Variants in MYPN observed in about 807,000 individuals in gnomAD.
MYPN encodes sarcomeric protein myopalladin, 145 kDa (MYOP).
MYPN carries 63 observed loss-of-function variants against 129.4 expected under a neutral mutation model. That is an observed-to-expected ratio of 0.49 (90% CI 0.40 to 0.60). MYPN has a LOEUF of 0.60. Among genes scored for constraint, MYPN ranks in the 20% least tolerant of loss-of-function variants. The probability of loss-of-function intolerance (pLI) is 0.00; values close to 1 mark genes in which losing one functional copy is unlikely to be tolerated. For synonymous variants in MYPN, 629 were observed against 600.9 expected (o/e 1.05, Z -0.68); for missense variants, 1,596 against 1,635.4 (o/e 0.98, Z 0.42).
upstream of MYPN, among the ~76,000 whole-genome samples, chr10:68,103,749 A>C (rs2041992726): frequency 6.6e-6 from 1 of 152,198 alleles, no homozygotes; most frequent in Non-Finnish European, 1.5e-5. Flanking sequence ...CAGGAGTTCA[A>C]AACCAGCCTG....
At chr10:68,172,285 G>A (rs2043156065) in intron 10 of MYPN, among the ~76,000 whole-genome samples, 2 of 152,136 alleles carry the variant, frequency 1.3e-5, no homozygotes, top group Non-Finnish European at 2.9e-5. Context: ...AACTCAGGAG[G>A]TTGGGGCTAC....
At chr10:68,135,482 G>C (rs535617657) in intron 2 of MYPN, 1 of 984,838 alleles carries the variant, frequency 1.0e-6, no homozygotes, top group East Asian at 1.1e-4. Context: ...ATGAAGAAGA[G>C]TTACTCTGAT....
intron 1 of MYPN, among the ~76,000 whole-genome samples, chr10:68,114,958 CA>C (rs1352140537): frequency 1.3e-5 from 2 of 151,918 alleles, no homozygotes; most frequent in Non-Finnish European, 2.9e-5. Flanking sequence ...AAAGAGGAAA[CA>C]AACTCAAATA....
chr10:68,130,387 G>T (rs991595736), intron 2 of MYPN, among the ~76,000 whole-genome samples: 2 of 151,492 alleles, frequency 1.3e-5, no homozygotes, highest in African/African-American at 2.4e-5. Context: ...TTGAACCCGG[G>T]AGATGGAGGT....
At chr10:68,097,128 A>G (rs917731734) in intron 1 of MYPN, among the ~76,000 whole-genome samples, 34 of 152,350 alleles carry the variant, frequency 2.2e-4, no homozygotes, top group African/African-American at 7.0e-4. Context: ...GTTCAGGAAC[A>G]TGGTAACTAG....
intron 15 of MYPN, among the ~76,000 whole-genome samples, chr10:68,196,383 T>C (rs1046233685): frequency 3.3e-5 from 5 of 152,122 alleles, no homozygotes; most frequent in African/African-American, 1.2e-4. Flanking sequence ...CCATAGCTGC[T>C]GACACAGACG....
chr10:68,098,553 A>G (rs936880536), intron 1 of MYPN, among the ~76,000 whole-genome samples: 31 of 152,234 alleles, frequency 2.0e-4, no homozygotes, highest in African/African-American at 7.0e-4. Flanking sequence ...AAAGCAGGTA[A>G]GAAATTTTTT....
intron 1 of MYPN, among the ~76,000 whole-genome samples, chr10:68,088,369 C>A (rs1385539413): frequency 6.6e-6 from 1 of 152,162 alleles, no homozygotes; most frequent in Non-Finnish European, 1.5e-5. Flanking sequence ...ACAAATAGGA[C>A]TCAGTGGGCA....
At position 68,143,022 on chromosome 10, in the gene MYPN, G is replaced by T; in HGVS notation, c.985G>T (p.Ala329Ser). ...QAGNLHSLTIAEAFEEDTGRY... is the reference protein window; with the variant it reads ...QAGNLHSLTISEAFEEDTGRY... The stretch of plus-strand genomic sequence containing the variant: ...AGGAAATCTGCACTCACTGACCATT[G>T]CGGAAGCCTTTGAAGAGGACACAGG... Residue 329 changes from alanine (A) to serine (S), a missense_variant, in exon 3 of 20, where the codon GCG becomes TCG. Physicochemically the swap from Ala to Ser is moderately conservative, Grantham distance 99. Transcript: ENST00000358913. The T allele has an allele frequency of 6.2e-7, 1 of 1,614,128 alleles. No individual in the cohort carries two copies. Among genetic ancestry groups the T allele is most frequent in the Non-Finnish European group, 8.5e-7 (1 of 1,180,008 alleles).
At position 68,166,324 on chromosome 10, in the gene MYPN, T is replaced by C; in HGVS notation, c.1631T>C (p.Leu544Pro). 9 of 1,614,066 alleles carry C rather than the reference T, an allele frequency of 5.6e-6. No individual in the cohort carries two copies. Among genetic ancestry groups the C allele is most frequent in the Non-Finnish European group, 7.6e-6 (9 of 1,180,012 alleles). Reference protein sequence around the residue: ...GNEDLSNNGSLHSANSTTNLA... With the variant: ...GNEDLSNNGSPHSANSTTNLA... ...GAGGACCTCAGCAACAACGGGTCTCTTCACTCAGCCAACTCTACCACCAAC... is the reference window on the plus strand; with the variant it reads ...GAGGACCTCAGCAACAACGGGTCTCCTCACTCAGCCAACTCTACCACCAAC... The change falls in exon 10 of 20, where the codon CTT becomes CCT. Residue 544 changes from leucine to proline, a missense_variant. Physicochemically the swap from Leu to Pro is moderately conservative, Grantham distance 98. Transcript: ENST00000358913.
At chr10:68,179,130 A>G (rs1258729211) in intron 12 of MYPN, among the ~76,000 whole-genome samples, 6 of 151,892 alleles carry the variant, frequency 4.0e-5, no homozygotes, top group African/African-American at 1.5e-4. Context: ...CAGTTCTTCT[A>G]TTTAAGTCTT....
At chr10:68,149,104 T>G (rs181257487) in intron 5 of MYPN, among the ~76,000 whole-genome samples, 3 of 152,252 alleles carry the variant, frequency 2.0e-5, no homozygotes, top group Non-Finnish European at 4.4e-5. Context: ...GCCATGCACC[T>G]ATGGTCCCAG....
intron 2 of MYPN, among the ~76,000 whole-genome samples, chr10:68,137,352 A>G (rs1462553752): frequency 1.3e-5 from 2 of 152,222 alleles, no homozygotes; most frequent in Non-Finnish European, 1.5e-5. Context: ...CAGAAACAGG[A>G]GGAGTATTTT....
At chr10:68,158,994 C>T (rs1443748926) in intron 7 of MYPN, among the ~76,000 whole-genome samples, 1 of 151,818 alleles carries the variant, frequency 6.6e-6, no homozygotes, top group Non-Finnish European at 1.5e-5. Context: ...TCCACCTCCT[C>T]GGTTCAAGCG....
chr10:68,105,760 A>C (rs775616695), upstream of MYPN, among the ~76,000 whole-genome samples: 1 of 152,110 alleles, frequency 6.6e-6, no homozygotes, highest in Non-Finnish European at 1.5e-5. Context: ...CCTTGACCAT[A>C]GTCCCAGTTT....
At chr10:68,107,595 C>G (rs1389354438), upstream of MYPN, among the ~76,000 whole-genome samples, 1 of 151,938 alleles carries the variant, frequency 6.6e-6, no homozygotes, top group Non-Finnish European at 1.5e-5. Context: ...AGGCGATCCG[C>G]CTGCCTCAAC....
At chr10:68,191,025 T>C (rs2043502263) in intron 13 of MYPN, among the ~76,000 whole-genome samples, 1 of 152,152 alleles carries the variant, frequency 6.6e-6, no homozygotes. Context: ...CTGGGTTCTC[T>C]ATTCTGTTCC....
chr10:68,193,764 C>A (rs553717245), intron 13 of MYPN, among the ~76,000 whole-genome samples: 2 of 151,114 alleles, frequency 1.3e-5, no homozygotes, highest in South Asian at 4.2e-4. Flanking sequence ...ACATGCAAAA[C>A]TTAACAGGAA....
chr10:68,099,982 A>G (rs2041974409), intron 1 of MYPN, among the ~76,000 whole-genome samples: 1 of 152,216 alleles, frequency 6.6e-6, no homozygotes, highest in African/African-American at 2.4e-5. Flanking sequence ...TGTGAATCAC[A>G]GCTCTGAGTG....
Sources: allele counts gnomAD v4.1 joint callset (sites outside exome capture counted in the v4.1 genomes callset), GRCh38; gene constraint gnomAD v4.1.1; transcripts MANE v1.5; gene names NCBI Gene and HGNC (gene_info 2026-07-23, HGNC 2026-07-21).